The following FGF12 variants were observed in gnomAD, a reference collection of about 807,000 sequenced individuals.
FGF12 encodes the protein fibroblast growth factor 12.
In FGF12, 14 loss-of-function variants were observed where a neutral mutation model predicts 23.6. The observed-to-expected ratio is 0.59, with a 90% confidence interval of 0.39 to 0.93. FGF12 has a LOEUF of 0.93. FGF12 is among the 40% of genes least tolerant of loss of function. The pLI is 0.00. For missense variants in FGF12, 175 were observed against 217.8 expected (o/e 0.80, Z 1.24); for synonymous variants, 62 against 77.3 (o/e 0.80, Z 1.04).
intron 4 of FGF12, among the ~76,000 whole-genome samples, chr3:192,242,920 TA>T (rs147697850): frequency 0.06 from 9,091 of 152,080 alleles, 299 homozygotes; most frequent in South Asian, 0.081. Flanking sequence ...TGAAAAATAG[TA>T]AGAAAATTTA....
intron 2 of FGF12, among the ~76,000 whole-genome samples, chr3:192,512,685 T>G (rs1724516730): frequency 6.6e-6 from 1 of 151,350 alleles, no homozygotes; most frequent in Admixed American, 6.6e-5. Context: ...ATATTACCTC[T>G]GTCTGTGGAA....
chr3:192,711,259 GGC>G, intron 2 of FGF12, among the ~76,000 whole-genome samples: 2 of 145,620 alleles, frequency 1.4e-5, no homozygotes, highest in East Asian at 3.9e-4. Flanking sequence ...GCCCCTGCCC[GGC>G]CAGCCGCCCC....
chr3:192,508,026 C>A (rs892627159), intron 2 of FGF12, among the ~76,000 whole-genome samples: 3 of 152,252 alleles, frequency 2.0e-5, no homozygotes, highest in African/African-American at 7.2e-5. Flanking sequence ...CTAGCAACAA[C>A]CCCTCTCCCC....
At chr3:192,462,330 T>C (rs1021852079) in intron 2 of FGF12, among the ~76,000 whole-genome samples, 4 of 152,102 alleles carry the variant, frequency 2.6e-5, no homozygotes, top group African/African-American at 9.7e-5. Flanking sequence ...CTCTGACTCA[T>C]GAATGGATTA....
At chr3:192,197,117 T>C (rs974737152) in intron 4 of FGF12, among the ~76,000 whole-genome samples, 2 of 152,374 alleles carry the variant, frequency 1.3e-5, no homozygotes. Context: ...TTGCTTAGAT[T>C]TGGCCCACCA....
intron 4 of FGF12, among the ~76,000 whole-genome samples, chr3:192,329,560 T>C (rs1006910835): frequency 2.0e-5 from 3 of 152,126 alleles, no homozygotes; most frequent in Non-Finnish European, 4.4e-5. Context: ...AAGATGTGAG[T>C]CAATTTACAG....
chr3:192,424,794 A>T (rs1420097873), intron 2 of FGF12, among the ~76,000 whole-genome samples: 1 of 152,164 alleles, frequency 6.6e-6, no homozygotes, highest in Non-Finnish European at 1.5e-5. Context: ...ACGTATCTTT[A>T]CATCTTACCA....
chr3:192,361,966 TC>T (rs964966591), intron 2 of FGF12, among the ~76,000 whole-genome samples: 1 of 152,228 alleles, frequency 6.6e-6, no homozygotes, highest in African/African-American at 2.4e-5. Flanking sequence ...ATATGTATTA[TC>T]TTTATGAGTT....
At chr3:192,314,101 C>T (rs1001958552) in intron 4 of FGF12, among the ~76,000 whole-genome samples, 2 of 152,156 alleles carry the variant, frequency 1.3e-5, no homozygotes, top group African/African-American at 2.4e-5. Context: ...GGAAGAGGGC[C>T]CTTACAAGAA....
intron 4 of FGF12, among the ~76,000 whole-genome samples, chr3:192,319,161 G>A (rs1716394765): frequency 2.0e-5 from 3 of 152,154 alleles, no homozygotes; most frequent in Admixed American, 2.0e-4. Context: ...ATGTGAATGA[G>A]CAATAAGAAA....
chr3:192,641,572 T>C (rs6807072), intron 2 of FGF12, among the ~76,000 whole-genome samples: 82,068 of 151,024 alleles, frequency 0.54, 22,653 homozygotes, highest in East Asian at 0.67. Context: ...GCCCAACTAA[T>C]TTTTTGTATT....
chr3:192,559,456 T>C (rs1293829819), intron 2 of FGF12, among the ~76,000 whole-genome samples: 2 of 151,884 alleles, frequency 1.3e-5, no homozygotes. Context: ...ATTTTTAGGG[T>C]AATGAAACAA....
intron 2 of FGF12, among the ~76,000 whole-genome samples, chr3:192,687,966 C>T (rs570316750): frequency 6.6e-6 from 1 of 152,224 alleles, no homozygotes; most frequent in African/African-American, 2.4e-5. Context: ...GGCTGCCACA[C>T]ACATGCCTTC....
At chr3:192,513,740 A>T (rs1446797427) in intron 2 of FGF12, among the ~76,000 whole-genome samples, 1 of 152,210 alleles carries the variant, frequency 6.6e-6, no homozygotes, top group African/African-American at 2.4e-5. Flanking sequence ...GCAAAAAGAC[A>T]CTTGTCTAGA....
chr3:192,696,720 T>TCTTAAA (rs1317882872), intron 2 of FGF12, among the ~76,000 whole-genome samples: 5 of 152,046 alleles, frequency 3.3e-5, no homozygotes, highest in Non-Finnish European at 5.9e-5. Flanking sequence ...ATAGCAATGT[T>TCTTAAA]CTTAAACTTA....
chr3:192,230,717 CT>C (rs368906293), intron 4 of FGF12, among the ~76,000 whole-genome samples: 127 of 152,002 alleles, frequency 8.4e-4, no homozygotes, highest in Middle Eastern at 3.4e-3. Flanking sequence ...AGTAATCATT[CT>C]TTTTTTTAAT....
chr3:192,167,122 A>G (rs1715204331), intron 5 of FGF12, among the ~76,000 whole-genome samples: 1 of 150,682 alleles, frequency 6.6e-6, no homozygotes, highest in Non-Finnish European at 1.5e-5. Context: ...CCATTGTGCC[A>G]TAACCCCTAG....
intron 2 of FGF12, among the ~76,000 whole-genome samples, chr3:192,431,102 T>C (rs1298734945): frequency 6.6e-6 from 1 of 152,032 alleles, no homozygotes; most frequent in Non-Finnish European, 1.5e-5. Context: ...ATGATATGAG[T>C]TATCTTGAGA....
intron 3 of FGF12, among the ~76,000 whole-genome samples, chr3:192,353,226 G>A (rs1342776503): frequency 6.6e-6 from 1 of 152,088 alleles, no homozygotes; most frequent in Non-Finnish European, 1.5e-5. Flanking sequence ...CTTGGTTAAG[G>A]AGCTCCAATA....
Sources: allele counts gnomAD v4.1 joint callset (sites outside exome capture counted in the v4.1 genomes callset), GRCh38; gene constraint gnomAD v4.1.1; transcripts MANE v1.5; gene names NCBI Gene and HGNC (gene_info 2026-07-23, HGNC 2026-07-21).